RPAP3: variants seen among roughly 807,000 people sequenced by gnomAD.
RPAP3 encodes the protein RNA polymerase II associated protein 3, also known as RNA polymerase II-associated protein 3.
Under a neutral mutation model 88.8 loss-of-function variants are expected in RPAP3, and 58 were observed. The ratio of observed to expected loss-of-function variants is 0.65; its 90% CI spans 0.53 to 0.81. The LOEUF is 0.81. Ranked by LOEUF, RPAP3 falls within the 40% of genes least tolerant of loss-of-function variation. The probability of loss-of-function intolerance (pLI) is 0.00; values close to 1 mark genes in which losing one functional copy is unlikely to be tolerated. For missense variants in RPAP3, 751 were observed against 764.3 expected (o/e 0.98, Z 0.20); for synonymous variants, 255 against 259.9 (o/e 0.98, Z 0.18).
At chr12:47,684,852 T>C (rs962490701) in intron 9 of RPAP3, among the ~76,000 whole-genome samples, 1 of 152,212 alleles carries the variant, frequency 6.6e-6, no homozygotes, top group African/African-American at 2.4e-5. Context: ...TCACTCTGAC[T>C]AGTCAACAAA....
At position 47,669,061 on chromosome 12, in the gene RPAP3, C is replaced by T. The variant is rs199534990; in HGVS notation, c.1568G>A (p.Ser523Asn). The T allele has an allele frequency of 4.7e-5, 76 of 1,614,006 alleles. No homozygotes were observed. The Middle Eastern group carries it at 8.2e-4, about 18-fold the overall frequency. ...SLKQDVCQSY[S>N]EKMPIEIEQK... is the part of the protein sequence containing the mutation. ...TTCTATCTCTATGGGCATTTTCTCG[C>T]TGTAAGACTGACATACATCCTGCTT... The change falls in exon 14 of 17, where the codon AGC becomes AAC. Residue 523 changes from serine to asparagine, a missense_variant. Transcript: ENST00000005386.
chr12:47,664,104 C>G (rs1938815190), intron 16 of RPAP3, among the ~76,000 whole-genome samples: 1 of 152,140 alleles, frequency 6.6e-6, no homozygotes, highest in African/African-American at 2.4e-5. Context: ...AAAATAAGAT[C>G]ATGGGCCAGG....
chr12:47,688,235 C>G (rs1939363324), intron 7 of RPAP3, among the ~76,000 whole-genome samples: 1 of 151,922 alleles, frequency 6.6e-6, no homozygotes, highest in African/African-American at 2.4e-5. Flanking sequence ...TATCAAACGC[C>G]ACATACTGCA....
intron 7 of RPAP3, among the ~76,000 whole-genome samples, chr12:47,688,239 T>C (rs1375236102): frequency 1.3e-5 from 2 of 152,098 alleles, no homozygotes; most frequent in African/African-American, 4.8e-5. Context: ...AAACGCCACA[T>C]ACTGCATGTT....
chr12:47,668,932 A>G lies in RPAP3; in HGVS notation c.1697T>C (p.Leu566Ser), dbSNP rs1938936975. ...FRQLKSSPDM[L>S]YQYLKQIEPS... is the part of the protein sequence containing the mutation. The stretch of plus-strand genomic sequence containing the variant: ...CTCTCTTACCTTTAAATACTGATAC[A>G]ACATATCTGGAGAACTTTTCAATTG... Residue 566 changes from leucine (L) to serine (S), a missense_variant, in exon 14 of 17, where the codon TTG (leucine) becomes TCG (serine). Leu to Ser is a moderately radical substitution (Grantham distance 145). Coordinates refer to ENST00000005386, the MANE Select transcript of RPAP3 (RefSeq NM_024604.3). 6.2e-7 allele frequency: 1 copy of G among 1,613,312 alleles called. No individual in the cohort carries two copies.
At chr12:47,679,865 T>G in intron 10 of RPAP3, 91 bp from the exon 11 acceptor site, 1 of 905,924 alleles carries the variant, frequency 1.1e-6, no homozygotes, top group Non-Finnish European at 1.7e-6. Flanking sequence ...CAGTTAGTAA[T>G]CACATTTTTA....
chr12:47,680,894 G>A (rs1341652721), intron 10 of RPAP3, among the ~76,000 whole-genome samples: 2 of 146,914 alleles, frequency 1.4e-5, no homozygotes, highest in Non-Finnish European at 3.0e-5. Context: ...TAGGATGGCA[G>A]ATAGGAAAAG....
intron 16 of RPAP3, among the ~76,000 whole-genome samples, chr12:47,665,296 T>C (rs1405306021): frequency 1.3e-5 from 2 of 151,314 alleles, no homozygotes; most frequent in Non-Finnish European, 2.9e-5. Context: ...TTTGTATTTT[T>C]AGTAGAGACA....
intron 9 of RPAP3, among the ~76,000 whole-genome samples, chr12:47,685,863 A>C (rs1475248066): frequency 6.6e-6 from 1 of 152,218 alleles, no homozygotes; most frequent in East Asian, 1.9e-4. Context: ...ATTGGTGAGC[A>C]TAAAATACAG....
chr12:47,702,943 G>C, intron 1 of RPAP3, 97 bp from the exon 2 acceptor site: 1 of 884,362 alleles, frequency 1.1e-6, no homozygotes, highest in Non-Finnish European at 1.6e-6. Flanking sequence ...TTCATAAGTG[G>C]CCAAGATACA....
intron 9 of RPAP3, 45 bp downstream of exon 9, chr12:47,686,735 G>A (rs771963678): frequency 5.1e-6 from 7 of 1,371,530 alleles, no homozygotes; most frequent in Non-Finnish European, 6.7e-6. Context: ...CCAATTTATT[G>A]TAAATTTTTA....
intron 12 of RPAP3, among the ~76,000 whole-genome samples, chr12:47,679,013 T>C (rs1939170038): frequency 6.6e-6 from 1 of 152,138 alleles, no homozygotes; most frequent in Non-Finnish European, 1.5e-5. Context: ...TATCCACCAA[T>C]GATAGACTAG....
At chr12:47,699,628 AC>A (rs1486648612) in intron 3 of RPAP3, 4 of 152,186 alleles carry the variant, frequency 2.6e-5, no homozygotes, top group Non-Finnish European at 5.9e-5. Flanking sequence ...ATAAACTATG[AC>A]CCAGCAAATC....
At chr12:47,685,446 C>A (rs1438653709) in intron 9 of RPAP3, among the ~76,000 whole-genome samples, 1 of 151,220 alleles carries the variant, frequency 6.6e-6, no homozygotes, top group Admixed American at 6.6e-5. Context: ...CAAAATATTG[C>A]TTATGCTCAC....
At chr12:47,686,457 G>A (rs945821840) in intron 9 of RPAP3, among the ~76,000 whole-genome samples, 5 of 151,702 alleles carry the variant, frequency 3.3e-5, no homozygotes, top group African/African-American at 7.3e-5. Flanking sequence ...ACTTAAAAGC[G>A]GGAAAATATT....
intron 4 of RPAP3, among the ~76,000 whole-genome samples, chr12:47,697,392 T>C (rs1324601157): frequency 6.6e-6 from 1 of 152,184 alleles, no homozygotes; most frequent in African/African-American, 2.4e-5. Flanking sequence ...TTTAAAGAAC[T>C]TATCAGAGAT....
chr12:47,692,782 C>T (rs1939452464), intron 5 of RPAP3, among the ~76,000 whole-genome samples: 1 of 152,232 alleles, frequency 6.6e-6, no homozygotes, highest in African/African-American at 2.4e-5. Context: ...ACATGCCGTC[C>T]TCACTAAGTT....
intron 9 of RPAP3, among the ~76,000 whole-genome samples, chr12:47,685,796 T>A (rs1939310800): frequency 6.6e-6 from 1 of 151,754 alleles, no homozygotes; most frequent in African/African-American, 2.4e-5. Context: ...TAGTTTCAAA[T>A]ACAGTACAAT....
intron 12 of RPAP3, among the ~76,000 whole-genome samples, chr12:47,674,489 TA>T (rs991960049): frequency 6.6e-6 from 1 of 152,062 alleles, no homozygotes; most frequent in African/African-American, 2.4e-5. Flanking sequence ...ATAAGGAAAC[TA>T]AAAACCTTGA....
Sources: allele counts gnomAD v4.1 joint callset (sites outside exome capture counted in the v4.1 genomes callset), GRCh38; gene constraint gnomAD v4.1.1; transcripts MANE v1.5; gene names NCBI Gene and HGNC (gene_info 2026-07-23, HGNC 2026-07-21).